Variants in SPART observed in about 807,000 individuals in gnomAD.
The protein encoded by SPART is spastic paraplegia 20 (Troyer syndrome).
SPART carries 35 observed loss-of-function variants against 58.7 expected under a neutral mutation model. The observed-to-expected ratio is 0.60, with a 90% CI of 0.46 to 0.79. The LOEUF (loss-of-function observed/expected upper bound fraction) is 0.79, where lower values mean the gene tolerates loss of function less well. SPART is among the 30% of genes least tolerant of loss of function. SPART has a pLI of 0.00. For synonymous variants in SPART, 284 were observed against 280.7 expected (o/e 1.01, Z -0.12); for missense variants, 730 against 786.1 (o/e 0.93, Z 0.85).
At chr13:36,331,950 T>C (rs1883503414) in intron 2 of SPART, among the ~76,000 whole-genome samples, 1 of 152,218 alleles carries the variant, frequency 6.6e-6, no homozygotes, top group Middle Eastern at 3.2e-3. Flanking sequence ...GATATTCCTT[T>C]TGTGGTAAAT....
At chr13:36,344,048 A>AG (rs567435795) in intron 1 of SPART, among the ~76,000 whole-genome samples, 54 of 151,810 alleles carry the variant, frequency 3.6e-4, no homozygotes, top group African/African-American at 5.1e-4. Context: ...AAAAAAAAAA[A>AG]AAAGAAAGAA....
At chr13:36,316,039 G>A (rs1410207994) in intron 5 of SPART, among the ~76,000 whole-genome samples, 1 of 152,220 alleles carries the variant, frequency 6.6e-6, no homozygotes, top group Non-Finnish European at 1.5e-5. Context: ...TATTTCATCG[G>A]TAGCTATGTA....
intron 1 of SPART, among the ~76,000 whole-genome samples, chr13:36,361,834 C>T (rs1885872874): frequency 1.3e-5 from 2 of 152,182 alleles, no homozygotes; most frequent in Admixed American, 6.5e-5. Flanking sequence ...TTACTGATGA[C>T]TATTGTAATC....
intron 5 of SPART, among the ~76,000 whole-genome samples, chr13:36,321,609 CT>C (rs1776496610): frequency 6.6e-6 from 1 of 152,104 alleles, no homozygotes; most frequent in Non-Finnish European, 1.5e-5. Context: ...CACGCCGCCC[CT>C]AATCCCGCTT....
rs142435841 is a variant in SPART at position 36,316,777 on chromosome 13, G to C, written c.1289-2356C>G. Among the ~76,000 whole-genome samples the C allele has an allele frequency of 2.7e-3, 406 of 152,202 alleles. 3 individuals carry two copies. The highest frequency in any genetic ancestry group is 9.2e-3 in the African/African-American group (384 of 41,518). On this transcript the variant is annotated intron_variant, in intron 5 of 8. Transcript: ENST00000438666. ...TTCACACAGACGCGCATGAAATTTG[G>C]TGCCGTGACTCGGATCAGGGGACCT...
chr13:36,336,560 G>T (rs953651208), intron 1 of SPART, among the ~76,000 whole-genome samples: 1 of 152,156 alleles, frequency 6.6e-6, no homozygotes, highest in Admixed American at 6.5e-5. Flanking sequence ...TTAGTGCTAA[G>T]TGAAGACAAG....
chr13:36,321,290 A>G (rs1004548234), intron 5 of SPART, among the ~76,000 whole-genome samples: 35 of 152,170 alleles, frequency 2.3e-4, no homozygotes, highest in African/African-American at 7.5e-4. Flanking sequence ...ATCACAGCTG[A>G]TATCTCCTGG....
At chr13:36,325,531 T>C (rs749738117) in intron 5 of SPART, among the ~76,000 whole-genome samples, 1 of 152,114 alleles carries the variant, frequency 6.6e-6, no homozygotes, top group Non-Finnish European at 1.5e-5. Context: ...TTTAAATGAG[T>C]CAAGACCCAT....
rs558727957 is a variant in SPART at position 36,326,559 on chromosome 13, A to G, written c.1288+16T>C. ...TTAATGTCATACAGGGAAAAAAATT[A>G]ACATTACTGTAATACCTGACAAAAT... On this transcript the variant is annotated intron_variant, in intron 5 of 8. Transcript: ENST00000438666. 49 of 1,613,044 alleles carry G rather than the reference A, an allele frequency of 3.0e-5. 1 individual carries two copies. In the Admixed American group the frequency reaches 7.3e-4, roughly 24 times the overall value.
At chr13:36,369,913 C>T (rs1886206205) in intron 1 of SPART, among the ~76,000 whole-genome samples, 1 of 152,140 alleles carries the variant, frequency 6.6e-6, no homozygotes, top group South Asian at 2.1e-4. Flanking sequence ...GTTTAAAATA[C>T]ACAATAGAAC....
chr13:36,320,740 T>A (rs1882292063), intron 5 of SPART, among the ~76,000 whole-genome samples: 1 of 152,150 alleles, frequency 6.6e-6, no homozygotes, highest in Admixed American at 6.5e-5. Context: ...TTTCACTGGA[T>A]AGGTAGAGTC....
At chr13:36,369,201 C>A (rs946156976) in intron 1 of SPART, among the ~76,000 whole-genome samples, 2 of 152,062 alleles carry the variant, frequency 1.3e-5, no homozygotes, top group African/African-American at 4.8e-5. Context: ...AAAAACATAA[C>A]TTGTATTAAT....
chr13:36,335,188 C>T lies in SPART; in HGVS notation c.643G>A (p.Gly215Arg), dbSNP rs1453020661. ...HSQPPPLETL[G>R]LDADELILIP... ...AAAATCAATTCATCTGCATCCAGCC[C>T]TAAGGTCTCAAGAGGCGGTGGCTGA... Residue 215 changes from glycine (G) to arginine (R), a missense_variant, in exon 2 of 9, where the codon GGG becomes AGG. Gly to Arg is a moderately radical substitution (Grantham distance 125, BLOSUM62 -2). Coordinates refer to ENST00000438666, the MANE Select transcript of SPART (RefSeq NM_015087.5). 2 of 1,614,134 alleles carry T rather than the reference C, an allele frequency of 1.2e-6. No homozygotes were observed. The highest frequency in any genetic ancestry group is 2.2e-5 in the East Asian group (1 of 44,876).
At chr13:36,363,904 T>A (rs1251780201) in intron 1 of SPART, among the ~76,000 whole-genome samples, 5 of 152,206 alleles carry the variant, frequency 3.3e-5, no homozygotes, top group Non-Finnish European at 7.3e-5. Context: ...CATAGTACAT[T>A]ATGAAAATCA....
chr13:36,351,401 G>A (rs372081206), intron 1 of SPART, among the ~76,000 whole-genome samples: 12 of 151,938 alleles, frequency 7.9e-5, no homozygotes, highest in Admixed American at 6.6e-5. Flanking sequence ...GATTAGCAAA[G>A]ATCAATTTGG....
intron 6 of SPART, 109 bp from the exon 7 acceptor site, chr13:36,312,586 T>C: frequency 8.4e-7 from 1 of 1,187,310 alleles, no homozygotes; most frequent in Non-Finnish European, 1.2e-6. Context: ...TTTTACTATA[T>C]AATGTTACAA....
upstream of SPART, among the ~76,000 whole-genome samples, chr13:36,351,348 A>G (rs924715354): frequency 2.0e-5 from 3 of 151,868 alleles, no homozygotes; most frequent in Non-Finnish European, 2.9e-5. Context: ...AAATATTGGT[A>G]GTAATACATG....
chr13:36,362,109 G>A (rs1885884780), intron 1 of SPART, among the ~76,000 whole-genome samples: 1 of 151,996 alleles, frequency 6.6e-6, no homozygotes. Context: ...CCAGCATTTT[G>A]GAAGGCTGAG....
At chr13:36,354,099 A>G (rs1170223361) in intron 1 of SPART, among the ~76,000 whole-genome samples, 4 of 152,188 alleles carry the variant, frequency 2.6e-5, no homozygotes, top group Non-Finnish European at 4.4e-5. Flanking sequence ...CCTTTAAACC[A>G]TGTCATTAAA....
Sources: gnomAD v4.1 joint callset for allele counts (sites outside exome capture counted in the v4.1 genomes callset) on GRCh38, gnomAD v4.1.1 for gene constraint, MANE v1.5 for transcripts, NCBI Gene and HGNC (gene_info 2026-07-23, HGNC 2026-07-21) for gene names.